Variants in PLG observed in about 807,000 individuals in gnomAD.
The protein encoded by PLG is plasmin.
A neutral mutation model predicts 104.4 loss-of-function variants in PLG; 41 were observed. That is an observed-to-expected ratio of 0.39 (90% CI 0.31 to 0.51). The LOEUF (loss-of-function observed/expected upper bound fraction) is 0.51. Ranked by LOEUF, PLG falls within the 20% of genes least tolerant of loss-of-function variation. PLG has a pLI of 0.76. For synonymous variants in PLG, 337 were observed against 357.1 expected (o/e 0.94, Z 0.63); for missense variants, 891 against 1,003.6 (o/e 0.89, Z 1.52).
At chr6:160,750,480 CTAACT>C (rs1778384945) in intron 17 of PLG, among the ~76,000 whole-genome samples, 1 of 152,210 alleles carries the variant, frequency 6.6e-6, no homozygotes, top group Admixed American at 6.5e-5. Context: ...GCAGTGACAC[CTAACT>C]TAATTTTCAG....
intron 6 of PLG, among the ~76,000 whole-genome samples, chr6:160,715,615 TC>T (rs1777714676): frequency 6.6e-6 from 1 of 152,186 alleles, no homozygotes; most frequent in East Asian, 1.9e-4. Flanking sequence ...CTTCTGGTCT[TC>T]CTCTTCATTC....
chr6:160,702,343 T>A lies in PLG; in HGVS notation c.39T>A (p.Phe13Leu). 6.2e-7 allele frequency: 1 copy of A among 1,608,454 alleles called. No individual in the cohort carries two copies. The highest frequency in any genetic ancestry group is 8.5e-7 in the Non-Finnish European group (1 of 1,178,756). ...AAGTGGTTCTTCTACTTCTTTTATTTCTGAAATCAGGTAAGACATAGTTTT... is the reference window on the plus strand; with the variant it reads ...AAGTGGTTCTTCTACTTCTTTTATTACTGAAATCAGGTAAGACATAGTTTT... The part of the protein sequence containing the change: ...HKEVVLLLLL[F>L]LKSGQGEPLD... The change falls in exon 1 of 19, where the codon TTT becomes TTA. Residue 13 changes from phenylalanine (F) to leucine (L), a missense_variant. Coordinates refer to ENST00000308192, the MANE Select transcript of PLG (RefSeq NM_000301.5).
chr6:160,708,980 A>C (rs573431836), intron 3 of PLG, among the ~76,000 whole-genome samples: 9 of 152,106 alleles, frequency 5.9e-5, no homozygotes, highest in Admixed American at 5.9e-4. Flanking sequence ...TAAAAAAAAA[A>C]AACCCTGATT....
Position 160,722,456 on chromosome 6 carries a change from G to A in PLG, c.1145G>A (p.Gly382Glu). ...GTCCAGGACTGCTACCATGGTGATG[G>A]ACAGAGCTACCGAGGCACATCCTCC... The part of the protein sequence containing the change: ...PVVQDCYHGD[G>E]QSYRGTSSTT... The change falls in exon 10 of 19, where the codon GGA (glycine) becomes GAA (glutamate). Residue 382 changes from glycine to glutamate, a missense_variant. By Grantham distance (98) the Gly-to-Glu change is moderately conservative. Coordinates refer to ENST00000308192, the MANE Select transcript of PLG (RefSeq NM_000301.5). The A allele has an allele frequency of 6.2e-7, 1 of 1,613,138 alleles. No homozygotes were observed. Among genetic ancestry groups the A allele is most frequent in the Non-Finnish European group, 8.5e-7 (1 of 1,179,182 alleles).
Position 160,737,106 on chromosome 6 carries a change from A to C in PLG, c.1802+99A>C, listed in dbSNP as rs879079890. 6.5e-4 allele frequency: 965 copies of C among 1,473,512 alleles called. 6 individuals carry two copies. Among genetic ancestry groups the C allele is most frequent in the East Asian group, 1.9e-3 (78 of 41,594 alleles). 91.3% of individuals were successfully genotyped at this position (1,473,512 alleles called of 1,614,324 possible). On this transcript the variant is annotated intron_variant, in intron 14 of 18. Transcript: ENST00000308192. The surrounding 1 kb of genome is among the most constrained non-coding windows in gnomAD (Gnocchi z 4.7). ...AAATCCACACAGCTGAGGCATCAGC[A>C]CCTGCCTCTAAGTTTTCTGAAGGAG...
intron 3 of PLG, among the ~76,000 whole-genome samples, chr6:160,708,784 G>A (rs555165664): frequency 1.3e-5 from 2 of 152,190 alleles, no homozygotes; most frequent in Admixed American, 1.3e-4. Flanking sequence ...TTATTTCTAT[G>A]CATTGACTCA....
In PLG at chr6:160,731,861, G is replaced by C; in HGVS notation, c.1555G>C (p.Glu519Gln). The change falls in exon 12 of 19, where the codon GAG (glutamate) becomes CAG (glutamine). Residue 519 changes from glutamate (E) to glutamine (Q), a missense_variant. This residue lies in a region of PLG where 854 missense variants were observed against 932.1 expected (regional missense o/e 0.92). Transcript: ENST00000308192. This position sits in a 1 kb window ranked among gnomAD's most constrained non-coding sequence, Gnocchi z 5.1. The stretch of plus-strand genomic sequence containing the variant: ...CCATAGACACAGCATTTTCACTCCA[G>C]AGACAAATCCACGGGCGGGTCTGGA... ...EPHRHSIFTP[E>Q]TNPRAGLEKN... 6.2e-7 allele frequency: 1 copy of C among 1,614,112 alleles called. No individual in the cohort carries two copies. Among genetic ancestry groups the C allele is most frequent in the Admixed American group, 1.7e-5 (1 of 60,014 alleles).
In PLG at chr6:160,753,068, G is replaced by A. The variant is rs181878511; in HGVS notation, c.*7G>A. ...AGTGATGAGAAATAATTAATTGGACGGGAGACAGAGTGACGCACTGACTCA... is the reference window on the plus strand; with the variant it reads ...AGTGATGAGAAATAATTAATTGGACAGGAGACAGAGTGACGCACTGACTCA... On this transcript the variant is annotated 3_prime_UTR_variant, in exon 19 of 19. Transcript: ENST00000308192. This position sits in a 1 kb window ranked among gnomAD's most constrained non-coding sequence, Gnocchi z 5.4. 3.9e-4 allele frequency: 606 copies of A among 1,544,672 alleles called. 5 individuals carry two copies. The highest frequency in any genetic ancestry group is 3.7e-3 in the South Asian group (329 of 88,444).
At position 160,752,216 on chromosome 6, in the gene PLG, G is replaced by C; in HGVS notation, c.2227G>C (p.Glu743Gln). Reference sequence around the variant, plus strand: ...TCTGAATGGAAGAGTCCAATCCACCGAACTCTGTGCTGGGCATTTGGCCGG... The same window carrying C: ...TCTGAATGGAAGAGTCCAATCCACCCAACTCTGTGCTGGGCATTTGGCCGG... ...EFLNGRVQST[E>Q]LCAGHLAGGT... is the part of the protein sequence containing the mutation. Residue 743 changes from glutamate to glutamine, a missense_variant, in exon 18 of 19, where the codon GAA (glutamate) becomes CAA (glutamine). Glu to Gln is a conservative substitution (Grantham distance 29, BLOSUM62 2). Around this residue, in one of 2 missense-constraint regions of PLG, gnomAD observed 854 missense variants for 932.1 expected, o/e 0.92. Transcript: ENST00000308192. This position sits in a 1 kb window ranked among gnomAD's most constrained non-coding sequence, Gnocchi z 4.7. 1 of 1,613,916 alleles carries C rather than the reference G, an allele frequency of 6.2e-7. No individual in the cohort carries two copies. The highest frequency in any genetic ancestry group is 8.5e-7 in the Non-Finnish European group (1 of 1,179,840).
chr6:160,734,018 T>C lies in PLG; in HGVS notation c.1611T>C (p.Asp537=). Residue 537 remains aspartate, a synonymous_variant, in exon 13 of 19, where the codon GAT becomes GAC. Transcript: ENST00000308192. This position sits in a 1 kb window ranked among gnomAD's most constrained non-coding sequence, Gnocchi z 4.4. Reference sequence around the variant, plus strand: ...AGTACTGCCGTAACCCTGATGGTGATGTAGGTGGTCCCTGGTGCTACACGA... The same window carrying C: ...AGTACTGCCGTAACCCTGATGGTGACGTAGGTGGTCCCTGGTGCTACACGA... The part of the protein sequence containing the change: ...EKNYCRNPDG[D]VGGPWCYTTN... The C allele has an allele frequency of 1.9e-6, 3 of 1,608,682 alleles. No homozygotes were observed. The highest frequency in any genetic ancestry group is 2.6e-6 in the Non-Finnish European group (3 of 1,175,212).
At position 160,723,933 on chromosome 6, in the gene PLG, T is replaced by C. The variant is rs1206677463; in HGVS notation, c.1256+1366T>C. On this transcript the variant is annotated intron_variant, in intron 10 of 18. Coordinates refer to ENST00000308192, the MANE Select transcript of PLG (RefSeq NM_000301.5). The surrounding 1 kb of genome is among the most constrained non-coding windows in gnomAD (Gnocchi z 4.7). Reference sequence around the variant, plus strand: ...AATAAAGGCCACTCCAGAAACAGCATAGTAAAGCTGAAAAGCAAGTCTAAA... The same window carrying C: ...AATAAAGGCCACTCCAGAAACAGCACAGTAAAGCTGAAAAGCAAGTCTAAA... 2.0e-5 allele frequency among the ~76,000 whole-genome samples: 3 copies of C among 152,136 alleles called. No individual in the cohort carries two copies. The highest frequency in any genetic ancestry group is 4.4e-5 in the Non-Finnish European group (3 of 68,008).
At chr6:160,749,636 CACCACCACT>C (rs1778364192) in intron 17 of PLG, among the ~76,000 whole-genome samples, 3 of 151,038 alleles carry the variant, frequency 2.0e-5, no homozygotes, top group Admixed American at 1.3e-4. Context: ...CCATCATCAC[CACCACCACT>C]ACCACCACCA....
intron 6 of PLG, 136 bp downstream of exon 6, chr6:160,715,050 T>A (rs764947188): frequency 2.8e-4 from 235 of 849,782 alleles, no homozygotes; most frequent in Middle Eastern, 1.7e-3. Context: ...GCTAACCTCC[T>A]CCCACAATAT....
chr6:160,717,299 T>C (rs900119263), intron 7 of PLG, among the ~76,000 whole-genome samples: 7 of 152,138 alleles, frequency 4.6e-5, no homozygotes, highest in African/African-American at 1.7e-4. Context: ...CATATTTTCC[T>C]CTCTGAGAAT....
At chr6:160,708,370 TA>T (rs1777571551) in intron 3 of PLG, 1 of 152,916 alleles carries the variant, frequency 6.5e-6, no homozygotes, top group Admixed American at 6.5e-5. Context: ...TCCTTTTCTA[TA>T]GTTTATTTTA....
intron 3 of PLG, chr6:160,708,089 T>C (rs1777565532): frequency 3.3e-6 from 1 of 305,394 alleles, no homozygotes; most frequent in Admixed American, 4.7e-5. Flanking sequence ...TTTTAAAATA[T>C]TATTTTATAT....
At chr6:160,745,076 T>C (rs1346709079) in intron 17 of PLG, among the ~76,000 whole-genome samples, 1 of 152,238 alleles carries the variant, frequency 6.6e-6, no homozygotes, top group Admixed American at 6.5e-5. Flanking sequence ...TGTCCAATTA[T>C]GTGGTTGATT....
At chr6:160,733,524 AAAAT>A (rs1177560931) in intron 12 of PLG, among the ~76,000 whole-genome samples, 1 of 141,686 alleles carries the variant, frequency 7.1e-6, no homozygotes, top group Non-Finnish European at 1.5e-5. Flanking sequence ...TAACTTTGCC[AAAAT>A]AATAATAATA....
chr6:160,711,602 T>C (rs1390913096), intron 4 of PLG: 11 of 1,610,068 alleles, frequency 6.8e-6, no homozygotes, highest in African/African-American at 2.7e-5. Flanking sequence ...ATCTTTTTGA[T>C]GTCGATGTTC....
Sources: gnomAD v4.1 joint callset for allele counts (sites outside exome capture counted in the v4.1 genomes callset) on GRCh38, gnomAD v4.1.1 for gene constraint, gnomAD v4.1.1 regional missense constraint, Gnocchi (gnomAD v3.1) non-coding constraint, MANE v1.5 for transcripts, NCBI Gene and HGNC (gene_info 2026-07-23, HGNC 2026-07-21) for gene names.